The following DGLUCY variants were observed in gnomAD, a reference collection of about 807,000 sequenced individuals.
The protein encoded by DGLUCY is D-glutamate cyclase, mitochondrial.
A neutral mutation model predicts 58.5 loss-of-function variants in DGLUCY; 58 were observed. The observed-to-expected ratio is 0.99, with a 90% CI of 0.80 to 1.23. The LOEUF (loss-of-function observed/expected upper bound fraction) is 1.23. Ranked by LOEUF, DGLUCY falls within the 50% of genes most tolerant of loss-of-function variation. DGLUCY has a pLI of 0.00. For missense variants in DGLUCY, 779 were observed against 784.7 expected, an observed-to-expected ratio of 0.99 and a Z score of 0.09; for synonymous variants, 325 against 314.1, an observed-to-expected ratio of 1.03 and a Z score of -0.37.
At chr14:91,167,619 T>G (rs1250570788) in intron 4 of DGLUCY, 1 of 713,244 alleles carries the variant, frequency 1.4e-6, no homozygotes, top group Non-Finnish European at 2.5e-6. Flanking sequence ...AGTCCAGCCC[T>G]GGAGAAATCC....
In DGLUCY at chr14:91,196,329, G is replaced by A. The variant is rs759733461; in HGVS notation, c.1196-46G>A. On this transcript the variant is annotated intron_variant, in intron 9 of 13. Coordinates refer to ENST00000256324, the MANE Select transcript of DGLUCY (RefSeq NM_001102368.3). ...GAAAAGCCAACGTGAATTTCCAAAAGCCAACACTAGAGCTGATGTGTGCCC... is the reference window on the plus strand; with the variant it reads ...GAAAAGCCAACGTGAATTTCCAAAAACCAACACTAGAGCTGATGTGTGCCC... 3 of 1,547,594 alleles carry A rather than the reference G, an allele frequency of 1.9e-6. No homozygotes were observed. The South Asian group carries it at 3.4e-5, about 18-fold the overall frequency.
chr14:91,063,647 A>G (rs2043770131), intron 1 of DGLUCY, among the ~76,000 whole-genome samples: 1 of 152,244 alleles, frequency 6.6e-6, no homozygotes, highest in South Asian at 2.1e-4. Context: ...AATTTTAGGA[A>G]GATGTCCTGA....
chr14:91,205,296 G>A (rs963040741), intron 12 of DGLUCY, among the ~76,000 whole-genome samples: 3 of 152,146 alleles, frequency 2.0e-5, no homozygotes, highest in Non-Finnish European at 4.4e-5. Flanking sequence ...GATGCGAGAA[G>A]CTTTCTACCT....
At chr14:91,142,840 A>AACACACACACACACAC (rs558892923) in intron 1 of DGLUCY, among the ~76,000 whole-genome samples, 10 of 124,302 alleles carry the variant, frequency 8.0e-5, no homozygotes, top group African/African-American at 2.7e-4. Flanking sequence ...ATCTCTACTA[A>AACACACACACACACAC]ACACACACAC....
intron 1 of DGLUCY, among the ~76,000 whole-genome samples, chr14:91,071,647 A>G (rs1595606841): frequency 6.6e-6 from 1 of 152,124 alleles, no homozygotes; most frequent in Non-Finnish European, 1.5e-5. Context: ...AGGCGGGTGG[A>G]TCACGAGGTC....
intron 3 of DGLUCY, among the ~76,000 whole-genome samples, chr14:91,164,951 G>A (rs541422727): frequency 1.3e-5 from 2 of 152,320 alleles, no homozygotes; most frequent in East Asian, 3.9e-4. Flanking sequence ...CAGGCCCTGG[G>A]TGAGTCCAGA....
In DGLUCY at chr14:91,181,175, G is replaced by C. The variant is rs748602181; in HGVS notation, c.731-11G>C. 3.7e-6 allele frequency: 6 copies of C among 1,613,660 alleles called. No homozygotes were observed. Among genetic ancestry groups the C allele is most frequent in the Non-Finnish European group, 5.1e-6 (6 of 1,179,740 alleles). On this transcript the variant is annotated splice_polypyrimidine_tract_variant and intron_variant, in intron 7 of 13. Transcript: ENST00000256324. Reference sequence around the variant, plus strand: ...GTGGCTGGGCTCAGACCCTCCTGCTGTGTGTTTTAGAGACCCCACTGGCTT... The same window carrying C: ...GTGGCTGGGCTCAGACCCTCCTGCTCTGTGTTTTAGAGACCCCACTGGCTT...
chr14:91,148,455 C>G (rs1187331047), intron 1 of DGLUCY: 1 of 151,766 alleles, frequency 6.6e-6, no homozygotes, highest in African/African-American at 2.4e-5. Flanking sequence ...ATCCACCCAC[C>G]TTGGCCTCTC....
intron 1 of DGLUCY, among the ~76,000 whole-genome samples, chr14:91,151,597 G>A: frequency 6.6e-6 from 1 of 150,780 alleles, no homozygotes; most frequent in Non-Finnish European, 1.5e-5. Flanking sequence ...TTCAAGAATG[G>A]TACTAAAGAA....
rs761844901 is a variant in DGLUCY at position 91,181,296 on chromosome 14, C to G, written c.841C>G (p.His281Asp). ...LTPERIPEVHHISQDPLHYSI... is the reference protein window; with the variant it reads ...LTPERIPEVHDISQDPLHYSI... ...CCCAGAGAGAATTCCAGAGGTCCAT[C>G]ACATTTCCCAAGATCCTCTGCACTA... The change falls in exon 8 of 14, where the codon CAC (histidine) becomes GAC (aspartate). Residue 281 changes from histidine (H) to aspartate (D), a missense_variant. His to Asp is a moderately conservative substitution (Grantham distance 81). Transcript: ENST00000256324. 71 of 1,614,068 alleles carry G rather than the reference C, an allele frequency of 4.4e-5. No homozygotes were observed. Among genetic ancestry groups the G allele is most frequent in the Non-Finnish European group, 5.8e-5 (68 of 1,180,024 alleles).
At chr14:91,169,901 G>A in intron 4 of DGLUCY, 102 bp from the exon 5 acceptor site, 1 of 1,265,278 alleles carries the variant, frequency 7.9e-7, no homozygotes, top group Non-Finnish European at 1.1e-6. Flanking sequence ...GAAAATTTCA[G>A]CACTAGACAT....
chr14:91,153,055 G>A (rs1404246281), intron 1 of DGLUCY, among the ~76,000 whole-genome samples: 4 of 152,132 alleles, frequency 2.6e-5, no homozygotes, highest in African/African-American at 9.7e-5. Flanking sequence ...TCCCCGGACC[G>A]TAAATTCCTC....
intron 1 of DGLUCY, among the ~76,000 whole-genome samples, chr14:91,084,305 G>C (rs983824880): frequency 1.3e-5 from 2 of 151,266 alleles, no homozygotes; most frequent in African/African-American, 4.9e-5. Flanking sequence ...CTGGGTTCAA[G>C]AGATTTTCGT....
At chr14:91,106,447 C>G (rs1241053888), upstream of DGLUCY, among the ~76,000 whole-genome samples, 2 of 152,056 alleles carry the variant, frequency 1.3e-5, no homozygotes, top group African/African-American at 2.4e-5. Flanking sequence ...TAGCTCATGC[C>G]TATAATCTCA....
intron 1 of DGLUCY, among the ~76,000 whole-genome samples, chr14:91,072,781 G>C (rs2043945107): frequency 6.6e-6 from 1 of 151,924 alleles, no homozygotes; most frequent in Admixed American, 6.6e-5. Flanking sequence ...CAGCACTTTG[G>C]GAGGCCGAGG....
intron 6 of DGLUCY, among the ~76,000 whole-genome samples, chr14:91,175,463 C>T (rs1361813933): frequency 6.6e-6 from 1 of 152,190 alleles, no homozygotes; most frequent in Non-Finnish European, 1.5e-5. Context: ...GGCCACCCAC[C>T]AGGATGGTGT....
At chr14:91,207,684 T>C (rs1884978338) in intron 12 of DGLUCY, among the ~76,000 whole-genome samples, 1 of 152,188 alleles carries the variant, frequency 6.6e-6, no homozygotes. Context: ...AAAAATTACA[T>C]TCATTTGACT....
At chr14:91,060,534 G>A (rs1354621713) in exon 1 of DGLUCY, 2 of 1,224,616 alleles carry the variant, frequency 1.6e-6, no homozygotes, top group Non-Finnish European at 2.1e-6. Flanking sequence ...CCAGGAGTCG[G>A]GGTGCGGCGG....
intron 9 of DGLUCY, among the ~76,000 whole-genome samples, chr14:91,191,273 A>G (rs1335947585): frequency 2.0e-5 from 3 of 152,166 alleles, no homozygotes; most frequent in Admixed American, 6.5e-5. Context: ...AGAAAGTAGA[A>G]TGGTGGTTGC....
Sources: gnomAD v4.1 joint callset for allele counts (sites outside exome capture counted in the v4.1 genomes callset) on GRCh38, gnomAD v4.1.1 for gene constraint, MANE v1.5 for transcripts, NCBI Gene and HGNC (gene_info 2026-07-23, HGNC 2026-07-21) for gene names.